Variants in VKORC1L1 observed in about 807,000 individuals in gnomAD.
VKORC1L1 encodes vitamin K epoxide reductase complex subunit 1-like protein 1.
VKORC1L1 carries 2 observed loss-of-function variants against 18.9 expected under a neutral mutation model. That is an observed-to-expected ratio of 0.11 (90% CI 0.04 to 0.33). VKORC1L1 has a LOEUF of 0.33. Among genes scored for constraint, VKORC1L1 ranks in the 10% least tolerant of loss-of-function variants. The pLI is 1.00. For missense variants in VKORC1L1, 123 were observed against 224.1 expected, an observed-to-expected ratio of 0.55 and a Z score of 2.88; for synonymous variants, 96 against 100.0, an observed-to-expected ratio of 0.96 and a Z score of 0.24.
At chr7:65,930,059 A>G (rs1172945921) in intron 1 of VKORC1L1, among the ~76,000 whole-genome samples, 1 of 152,152 alleles carries the variant, frequency 6.6e-6, no homozygotes, top group Non-Finnish European at 1.5e-5. Context: ...TATTACAAAT[A>G]TTTTTATTTC....
At chr7:65,942,370 T>C (rs1790049884) in intron 1 of VKORC1L1, among the ~76,000 whole-genome samples, 2 of 150,398 alleles carry the variant, frequency 1.3e-5, no homozygotes, top group Admixed American at 1.3e-4. Context: ...CGGGCACCTA[T>C]AGTCCCAGCT....
chr7:65,899,469 G>GT (rs1188433917), intron 1 of VKORC1L1, among the ~76,000 whole-genome samples: 3 of 152,276 alleles, frequency 2.0e-5, no homozygotes, highest in African/African-American at 7.2e-5. Context: ...CTGCAGTAAT[G>GT]TTTTTTCTCA....
At chr7:65,870,341 A>T (rs1056492961), upstream of VKORC1L1, among the ~76,000 whole-genome samples, 9 of 151,776 alleles carry the variant, frequency 5.9e-5, no homozygotes, top group South Asian at 2.1e-4. Flanking sequence ...GAGGCAGGAG[A>T]ATCACTTGAA....
rs1180502427 is a variant in VKORC1L1, at chr7:65,957,216, C to T, written c.*2916C>T. 1 of 152,262 alleles carries T rather than the reference C, an allele frequency of 6.6e-6. No homozygotes were observed. Among genetic ancestry groups the T allele is most frequent in the Non-Finnish European group, 1.5e-5 (1 of 68,076 alleles). The allele number at this position is 152,262 out of a possible 1,614,324, so 9.4% of individuals were successfully genotyped here. On this transcript the variant is annotated 3_prime_UTR_variant, in exon 3 of 3. Transcript: ENST00000360768. ...CTACATTCGGCCGGGCACGGTGGCTCACGCCTATAATCCCAGCACTTTGGG... is the reference window on the plus strand; with the variant it reads ...CTACATTCGGCCGGGCACGGTGGCTTACGCCTATAATCCCAGCACTTTGGG...
At chr7:65,880,257 CTA>C (rs1262588621) in intron 1 of VKORC1L1, among the ~76,000 whole-genome samples, 1 of 152,172 alleles carries the variant, frequency 6.6e-6, no homozygotes, top group Non-Finnish European at 1.5e-5. Flanking sequence ...GTTTCTGTAT[CTA>C]TGTGACAAAA....
intron 1 of VKORC1L1, among the ~76,000 whole-genome samples, chr7:65,913,002 G>A (rs1789525244): frequency 6.6e-6 from 1 of 152,112 alleles, no homozygotes; most frequent in South Asian, 2.1e-4. Flanking sequence ...AGCCTTGTGT[G>A]CCAATCTGTC....
At chr7:65,931,301 G>T (rs920655467) in intron 1 of VKORC1L1, among the ~76,000 whole-genome samples, 3 of 151,988 alleles carry the variant, frequency 2.0e-5, no homozygotes, top group African/African-American at 7.2e-5. Flanking sequence ...GGAAGAGATT[G>T]TGTACAATTG....
intron 1 of VKORC1L1, among the ~76,000 whole-genome samples, chr7:65,939,987 G>C (rs540109453): frequency 1.8e-4 from 27 of 151,750 alleles, no homozygotes; most frequent in Admixed American, 3.9e-4. Context: ...AAAGAAATGT[G>C]TCTTTAAAAC....
intron 2 of VKORC1L1, among the ~76,000 whole-genome samples, chr7:65,952,597 T>A (rs944500288): frequency 4.6e-5 from 7 of 151,946 alleles, no homozygotes; most frequent in African/African-American, 1.2e-4. Flanking sequence ...CTCCCACCTG[T>A]TATTTTGTTC....
intron 1 of VKORC1L1, among the ~76,000 whole-genome samples, chr7:65,939,215 G>T (rs1450780082): frequency 6.6e-6 from 1 of 152,210 alleles, no homozygotes; most frequent in Non-Finnish European, 1.5e-5. Context: ...GGATAAGATT[G>T]TCATTCAGAA....
intron 1 of VKORC1L1, among the ~76,000 whole-genome samples, chr7:65,897,649 G>A (rs1441919743): frequency 1.3e-5 from 2 of 151,210 alleles, no homozygotes; most frequent in Non-Finnish European, 2.9e-5. Context: ...TTACTCTTGC[G>A]GAGCTCACTG....
At chr7:65,866,673 G>C in the VKORC1L1 span, among the ~76,000 whole-genome samples, 108 of 152,314 alleles carry the variant, frequency 7.1e-4, no homozygotes, top group African/African-American at 2.5e-3. Context: ...ACTGTGGGAG[G>C]CTGAGGCAGG....
At chr7:65,949,131 T>G (rs973057467) in intron 2 of VKORC1L1, among the ~76,000 whole-genome samples, 14 of 152,130 alleles carry the variant, frequency 9.2e-5, no homozygotes, top group Admixed American at 9.2e-4. Flanking sequence ...AGAAACCATA[T>G]TCATAATCCC....
chr7:65,921,611 G>C (rs1229582440), intron 1 of VKORC1L1, among the ~76,000 whole-genome samples: 1 of 152,164 alleles, frequency 6.6e-6, no homozygotes, highest in African/African-American at 2.4e-5. Context: ...CACTTTGGGA[G>C]GCCAAGATAA....
At position 65,897,773 on chromosome 7, in the gene VKORC1L1, T is replaced by A. The variant is rs375768312; in HGVS notation, c.194+24208T>A. Among the ~76,000 whole-genome samples, 13 of 152,148 alleles carry A rather than the reference T, an allele frequency of 8.5e-5. No homozygotes were observed. The East Asian group carries it at 1.5e-3, about 18-fold the overall frequency. Reference sequence around the variant, plus strand: ...CATCAAGCTATGAACTTAAGAATTATGTACTGTTCTGAATGTATGCTATAC... The same window carrying A: ...CATCAAGCTATGAACTTAAGAATTAAGTACTGTTCTGAATGTATGCTATAC... On this transcript the variant is annotated intron_variant, in intron 1 of 2. Coordinates refer to ENST00000360768, the MANE Select transcript of VKORC1L1 (RefSeq NM_173517.6).
Position 65,873,488 on chromosome 7 carries a change from G to A in VKORC1L1, c.117G>A (p.Glu39=). 6.3e-7 allele frequency: 1 copy of A among 1,596,084 alleles called. No individual in the cohort carries two copies. The highest frequency in any genetic ancestry group is 2.3e-5 in the East Asian group (1 of 43,492). ...TCTACGCCTACCACGTGGAGCGGGAGAAGGAGCGGGACCCCGAGCACCGGG... is the reference window on the plus strand; with the variant it reads ...TCTACGCCTACCACGTGGAGCGGGAAAAGGAGCGGGACCCCGAGCACCGGG... ...LSIYAYHVER[E]KERDPEHRAL... Residue 39 remains glutamate (E), a synonymous_variant, in exon 1 of 3, where the codon GAG becomes GAA. Coordinates refer to ENST00000360768, the MANE Select transcript of VKORC1L1 (RefSeq NM_173517.6).
intron 1 of VKORC1L1, among the ~76,000 whole-genome samples, chr7:65,944,682 C>T (rs2115720041): frequency 6.6e-6 from 1 of 151,762 alleles, no homozygotes; most frequent in East Asian, 1.9e-4. Context: ...TTGCAGAGGC[C>T]AAAATAGGTG....
chr7:65,876,889 TA>T (rs1350611841), intron 1 of VKORC1L1, among the ~76,000 whole-genome samples: 2 of 152,098 alleles, frequency 1.3e-5, no homozygotes, highest in African/African-American at 4.8e-5. Flanking sequence ...TTACAAAAAA[TA>T]CAAACGTTAA....
rs1790288524 is a variant in VKORC1L1, at chr7:65,955,940, A to G, written c.*1640A>G. 1 of 152,164 alleles carries G rather than the reference A, an allele frequency of 6.6e-6. No individual in the cohort carries two copies. The highest frequency in any genetic ancestry group is 2.4e-5 in the African/African-American group (1 of 41,432). The allele number at this position is 152,164 out of a possible 1,614,324, so 9.4% of individuals were successfully genotyped here. A position where few individuals can be genotyped will look rare whatever the true frequency, so the allele number is the denominator to read the frequency against. Reference sequence around the variant, plus strand: ...GCAACAATTCCGTAGCTTCCAACTGACTCAGAATTGATGCAACGTAGGTCT... The same window carrying G: ...GCAACAATTCCGTAGCTTCCAACTGGCTCAGAATTGATGCAACGTAGGTCT... On this transcript the variant is annotated 3_prime_UTR_variant, in exon 3 of 3. Transcript: ENST00000360768.
Sources: allele counts gnomAD v4.1 joint callset (sites outside exome capture counted in the v4.1 genomes callset), GRCh38; gene constraint gnomAD v4.1.1; transcripts MANE v1.5; gene names NCBI Gene and HGNC (gene_info 2026-07-23, HGNC 2026-07-21).